ZNF208: variants seen among roughly 807,000 people sequenced by gnomAD.
The protein encoded by ZNF208 is zinc finger protein 95.
In ZNF208, 10 loss-of-function variants were observed where a neutral mutation model predicts 12.1. The ratio of observed to expected loss-of-function variants is 0.83; its 90% CI spans 0.51 to 1.40. The LOEUF (loss-of-function observed/expected upper bound fraction) is 1.40. Among genes scored for constraint, ZNF208 ranks in the 40% most tolerant of loss-of-function variants. The pLI is 0.00. For missense variants in ZNF208, 1,652 were observed against 1,485.0 expected (o/e 1.11, Z -1.85); for synonymous variants, 497 against 488.4 (o/e 1.02, Z -0.23).
At chr19:21,982,258 T>C (rs962355462) in intron 3 of ZNF208, among the ~76,000 whole-genome samples, 1 of 149,430 alleles carries the variant, frequency 6.7e-6, no homozygotes, top group Non-Finnish European at 1.5e-5. Context: ...CTCGGGAGGC[T>C]GAGGCAGGAG....
chr19:21,974,389 G>T lies in ZNF208; in HGVS notation c.645C>A (p.Thr215=), dbSNP rs764030563. ...TATGAGCACTCTTATAATAAGTAAGGGTTGAGGACCAGTTAAAAGCTTTGC... is the reference window on the plus strand; with the variant it reads ...TATGAGCACTCTTATAATAAGTAAGTGTTGAGGACCAGTTAAAAGCTTTGC... ...EGGKAFNWSS[T]LTYYKSAHTG... The change falls in exon 4 of 4, where the codon ACC becomes ACA. Residue 215 remains threonine (T), a synonymous_variant. Coordinates refer to ENST00000397126, the MANE Select transcript of ZNF208 (RefSeq NM_007153.3). The T allele has an allele frequency of 6.8e-6, 11 of 1,613,692 alleles. No individual in the cohort carries two copies. The highest frequency in any genetic ancestry group is 1.7e-4 in the Middle Eastern group (1 of 6,056).
At position 21,968,087 on chromosome 19, in the gene ZNF208, GTATTCTAAGATTTTTTT is replaced by G. The variant is rs1970204810; in HGVS notation, c.*3087_*3103del. On this transcript the variant is annotated 3_prime_UTR_variant, in exon 4 of 4. Transcript: ENST00000397126. ...AATGCTATGCATTTGTGCTGATTTTGTATTCTAAGATTTTTTTTGAAGTCTTTTTCCAGGCTTAGAAC... is the reference window on the plus strand; with the variant it reads ...AATGCTATGCATTTGTGCTGATTTTGTGAAGTCTTTTTCCAGGCTTAGAAC... The G allele has an allele frequency of 6.6e-6, 1 of 151,944 alleles. No individual in the cohort carries two copies. Among genetic ancestry groups the G allele is most frequent in the Non-Finnish European group, 1.5e-5 (1 of 67,952 alleles). 9.4% of individuals were successfully genotyped at this position (151,944 alleles called of 1,614,324 possible). A position where few individuals can be genotyped will look rare whatever the true frequency, so the allele number is the denominator to read the frequency against.
At chr19:21,951,597 A>G (rs1007592691) in intron 4 of ZNF208, among the ~76,000 whole-genome samples, 5 of 152,368 alleles carry the variant, frequency 3.3e-5, no homozygotes, top group African/African-American at 1.2e-4. Flanking sequence ...ATGAAAGCAC[A>G]ACAAAGCTTT....
intron 4 of ZNF208, among the ~76,000 whole-genome samples, chr19:21,951,867 AGGGGTTGGG>A (rs1394156345): frequency 6.6e-6 from 1 of 152,236 alleles, no homozygotes; most frequent in Admixed American, 6.5e-5. Context: ...GGGAGGCACA[AGGGGTTGGG>A]GGATTTCCCT....
intron 4 of ZNF208, among the ~76,000 whole-genome samples, chr19:21,958,607 T>C (rs1353877010): frequency 6.6e-6 from 1 of 152,202 alleles, no homozygotes; most frequent in Non-Finnish European, 1.5e-5. Flanking sequence ...TTTCAATTCA[T>C]GTCCTCTACT....
At chr19:21,964,202 G>C (rs1242578254), downstream of ZNF208, among the ~76,000 whole-genome samples, 1 of 151,674 alleles carries the variant, frequency 6.6e-6, no homozygotes, top group Non-Finnish European at 1.5e-5. Context: ...GAAAAATGTG[G>C]TTGTTCATCT....
At chr19:21,960,290 A>T (rs1485965196) in intron 4 of ZNF208, among the ~76,000 whole-genome samples, 1 of 152,154 alleles carries the variant, frequency 6.6e-6, no homozygotes, top group African/African-American at 2.4e-5. Flanking sequence ...TGTTTCAATC[A>T]GCCAAAATAT....
At chr19:21,940,503 G>A (rs546328948) in intron 4 of ZNF208, 1 of 152,322 alleles carries the variant, frequency 6.6e-6, no homozygotes, top group South Asian at 2.1e-4. Context: ...AGCATAATTT[G>A]AGAGGAAAAG....
chr19:21,966,089 A>G (rs1970161386), downstream of ZNF208: 1 of 137,574 alleles, frequency 7.3e-6, no homozygotes, highest in Non-Finnish European at 1.5e-5. Flanking sequence ...AAAATAGAAC[A>G]TGTCATTATA....
intron 3 of ZNF208, among the ~76,000 whole-genome samples, chr19:21,984,087 T>C (rs1458480559): frequency 6.6e-6 from 1 of 152,128 alleles, no homozygotes; most frequent in Non-Finnish European, 1.5e-5. Context: ...AGAGCACTCC[T>C]TAACATCAGG....
intron 1 of ZNF208, among the ~76,000 whole-genome samples, chr19:21,992,408 T>C (rs1446261163): frequency 1.3e-5 from 2 of 152,124 alleles, no homozygotes; most frequent in African/African-American, 2.4e-5. Flanking sequence ...TGTTCTGTAA[T>C]TTTTAGTAGT....
chr19:22,006,563 G>T (rs1971047975), intron 1 of ZNF208, among the ~76,000 whole-genome samples: 1 of 152,096 alleles, frequency 6.6e-6, no homozygotes, highest in African/African-American at 2.4e-5. Flanking sequence ...GCTTTCCAGG[G>T]CTCTGTAGCT....
chr19:21,985,842 A>G (rs1344519181), intron 3 of ZNF208, among the ~76,000 whole-genome samples: 1 of 152,196 alleles, frequency 6.6e-6, no homozygotes, highest in East Asian at 1.9e-4. Context: ...GTACTCAGTG[A>G]AACCATACTA....
chr19:21,980,824 T>C (rs1408660121), intron 3 of ZNF208, among the ~76,000 whole-genome samples: 1 of 151,888 alleles, frequency 6.6e-6, no homozygotes, highest in East Asian at 1.9e-4. Flanking sequence ...GCCAGTCTAA[T>C]AAAGAAGAAA....
In ZNF208 at chr19:21,967,832, T is replaced by G. The variant is rs1970200393; in HGVS notation, c.*3359A>C. 6.6e-6 allele frequency: 1 copy of G among 152,182 alleles called. No individual in the cohort carries two copies. The highest frequency in any genetic ancestry group is 1.5e-5 in the Non-Finnish European group (1 of 68,040). The allele number at this position is 152,182 out of a possible 1,614,324, so 9.4% of individuals were successfully genotyped here. On this transcript the variant is annotated 3_prime_UTR_variant, in exon 4 of 4. Transcript: ENST00000397126. ...AAATAGCACTTAATCTGTAGGTTGC[T>G]TTAGGCAGAATGACCATTTTAATTA...
At chr19:21,999,136 TATA>T (rs949609504) in intron 1 of ZNF208, among the ~76,000 whole-genome samples, 9 of 151,458 alleles carry the variant, frequency 5.9e-5, no homozygotes, top group Non-Finnish European at 8.8e-5. Context: ...TAATATCTAC[TATA>T]ATGATTTAAT....
At chr19:21,975,215 T>G (rs190960739) in intron 3 of ZNF208, among the ~76,000 whole-genome samples, 4 of 152,302 alleles carry the variant, frequency 2.6e-5, no homozygotes, top group Admixed American at 6.5e-5. Context: ...CACAAAAAAT[T>G]TAATTTATGT....
At chr19:21,941,423 C>T in intron 4 of ZNF208, 1 of 399,034 alleles carries the variant, frequency 2.5e-6, no homozygotes, top group Non-Finnish European at 4.4e-6. Flanking sequence ...ATCCCACCAT[C>T]CCTAGGACAG....
chr19:21,991,899 T>C (rs573569814), intron 1 of ZNF208, among the ~76,000 whole-genome samples: 19 of 151,648 alleles, frequency 1.3e-4, no homozygotes, highest in Admixed American at 3.9e-4. Context: ...ATTTTTTTTT[T>C]CCAGAAGATC....
Sources: allele counts gnomAD v4.1 joint callset (sites outside exome capture counted in the v4.1 genomes callset), GRCh38; gene constraint gnomAD v4.1.1; transcripts MANE v1.5; gene names NCBI Gene and HGNC (gene_info 2026-07-23, HGNC 2026-07-21).